The following GP2 variants were observed in gnomAD, a reference collection of about 807,000 sequenced individuals.
GP2 encodes the protein pancreatic secretory granule membrane major glycoprotein GP2.
Under a neutral mutation model 60.8 loss-of-function variants are expected in GP2, and 58 were observed. The ratio of observed to expected loss-of-function variants is 0.95; its 90% CI spans 0.77 to 1.19. The LOEUF (loss-of-function observed/expected upper bound fraction) is 1.19. Among genes scored for constraint, GP2 ranks in the 50% most tolerant of loss-of-function variants. The probability of loss-of-function intolerance (pLI) is 0.00; values close to 1 mark genes in which losing one functional copy is unlikely to be tolerated. For synonymous variants in GP2, 280 were observed against 253.4 expected, an observed-to-expected ratio of 1.10 and a Z score of -1.00; for missense variants, 647 against 667.4, an observed-to-expected ratio of 0.97 and a Z score of 0.34.
At chr16:20,324,943 C>T (rs756573808) in intron 2 of GP2, among the ~76,000 whole-genome samples, 4 of 152,230 alleles carry the variant, frequency 2.6e-5, no homozygotes, top group African/African-American at 4.8e-5. Context: ...TGACCTCTAC[C>T]TACCAGATCC....
At chr16:20,312,594 A>G (rs1461605274) in intron 10 of GP2, among the ~76,000 whole-genome samples, 1 of 151,878 alleles carries the variant, frequency 6.6e-6, no homozygotes, top group African/African-American at 2.4e-5. Flanking sequence ...TGTTCCAGGC[A>G]CTGGGCTAAC....
At chr16:20,323,034 A>G in intron 3 of GP2, 55 bp from the exon 4 acceptor site, 4 of 960,922 alleles carry the variant, frequency 4.2e-6, no homozygotes, top group Non-Finnish European at 6.7e-6. Context: ...GCTGGACTTG[A>G]GGCCCCCAAG....
chr16:20,317,585 C>A (rs1964225173), intron 7 of GP2, among the ~76,000 whole-genome samples: 1 of 152,148 alleles, frequency 6.6e-6, no homozygotes, highest in Non-Finnish European at 1.5e-5. Flanking sequence ...GTAGCCTGAC[C>A]CACGTTCTAG....
rs901920770 is a variant in GP2 at position 20,324,373 on chromosome 16, C to T, written c.95-117G>A. 6 of 630,582 alleles carry T rather than the reference C, an allele frequency of 9.5e-6. No homozygotes were observed. The East Asian group carries it at 1.4e-4, about 14-fold the overall frequency. The allele number at this position is 630,582 out of a possible 1,614,324, so 39.1% of individuals were successfully genotyped here. ...AGGACTCCAATGAGGACAATACACA[C>T]ACGGTCCATTAATTAAACATCAACT... On this transcript the variant is annotated intron_variant, in intron 2 of 10. Transcript: ENST00000302555.
chr16:20,314,874 T>C (rs118044822), intron 9 of GP2, among the ~76,000 whole-genome samples, 173 bp from the exon 10 acceptor site: 4,091 of 152,270 alleles, frequency 0.027, 96 homozygotes, highest in Middle Eastern at 0.051. Context: ...CTAGACACTT[T>C]GCGTGCATCT....
In GP2 at chr16:20,327,486, C is replaced by T. The variant is rs1472587717; in HGVS notation, c.-56G>A. On this transcript the variant is annotated 5_prime_UTR_variant, in exon 1 of 11. Coordinates refer to ENST00000302555, the MANE Select transcript of GP2 (RefSeq NM_001502.4). Reference sequence around the variant, plus strand: ...ACTTACCTCCGATGAGAACACAAAGCGTTCCTCCTCTGGCCAGCCATGGGA... The same window carrying T: ...ACTTACCTCCGATGAGAACACAAAGTGTTCCTCCTCTGGCCAGCCATGGGA... 5.4e-6 allele frequency: 7 copies of T among 1,288,722 alleles called. No individual in the cohort carries two copies. The highest frequency in any genetic ancestry group is 2.5e-5 in the South Asian group (2 of 81,000). The allele number at this position is 1,288,722 out of a possible 1,614,324, so 79.8% of individuals were successfully genotyped here.
intron 2 of GP2, among the ~76,000 whole-genome samples, chr16:20,325,568 T>C (rs1264434243): frequency 5.9e-5 from 9 of 152,192 alleles, no homozygotes; most frequent in Admixed American, 5.9e-4. Flanking sequence ...ATAATATGTG[T>C]AAAATGCCAA....
intron 10 of GP2, among the ~76,000 whole-genome samples, chr16:20,313,529 C>T (rs1010089156): frequency 3.4e-4 from 51 of 152,210 alleles, no homozygotes; most frequent in African/African-American, 1.1e-3. Context: ...ATTCCCCTAA[C>T]ATTTGCACCT....
rs546698620 is a variant in GP2, at chr16:20,322,825, C to T, written c.646+44G>A. On this transcript the variant is annotated intron_variant, in intron 4 of 10. Transcript: ENST00000302555. Reference sequence around the variant, plus strand: ...CCTCTAAAGCTCCCTCCCTCCTGCCCTGCCCCCTCAGGATGGTAGTTACTT... The same window carrying T: ...CCTCTAAAGCTCCCTCCCTCCTGCCTTGCCCCCTCAGGATGGTAGTTACTT... 3.8e-5 allele frequency: 41 copies of T among 1,071,138 alleles called. No homozygotes were observed. In the South Asian group the frequency reaches 5.0e-4, roughly 13 times the overall value. 66.4% of individuals were successfully genotyped at this position (1,071,138 alleles called of 1,614,324 possible). A position where few individuals can be genotyped will look rare whatever the true frequency, so the allele number is the denominator to read the frequency against.
At position 20,314,653 on chromosome 16, in the gene GP2, G is replaced by T; in HGVS notation, c.1546+4C>A. 1 of 1,581,502 alleles carries T rather than the reference G, an allele frequency of 6.3e-7. No individual in the cohort carries two copies. The highest frequency in any genetic ancestry group is 8.7e-7 in the Non-Finnish European group (1 of 1,150,160). On this transcript the variant is annotated splice_donor_region_variant and intron_variant, in intron 10 of 10. Transcript: ENST00000302555. ...TGTGGGAAAGGCATGAGAAAATGAT[G>T]TACCTGCAGTGCTAGGGGTTCCATT...
chr16:20,327,423 C>T (rs1308873983), intron 1 of GP2, 44 bp downstream of exon 1: 10 of 1,236,950 alleles, frequency 8.1e-6, no homozygotes, highest in African/African-American at 1.6e-5. Context: ...TCAAGATTTC[C>T]CAGGATTAGG....
rs1964243926 is a variant in GP2, at chr16:20,318,200, A to G, written c.1238T>C (p.Phe413Ser). ...TEDKADLVKY[F>S]IIRNSCSNQR... ...TGCTCGTTACCTGTTTCTGATGATG[A>G]AATACTTCACAAGGTCAGCCTTGTC... Residue 413 changes from phenylalanine to serine, a missense_variant, in exon 7 of 11, where the codon TTC becomes TCC. Transcript: ENST00000302555. The G allele has an allele frequency of 6.2e-7, 1 of 1,613,400 alleles. No homozygotes were observed. Among genetic ancestry groups the G allele is most frequent in the Non-Finnish European group, 8.5e-7 (1 of 1,179,324 alleles).
Position 20,322,851 on chromosome 16 carries a change from G to GC in GP2, c.646+17dup. ...TGCCCCCTCAGGATGGTAGTTACTT[G>GC]CCCAGTGAGCAGCTCACCAGAACTA... On this transcript the variant is annotated intron_variant, in intron 4 of 10. Coordinates refer to ENST00000302555, the MANE Select transcript of GP2 (RefSeq NM_001502.4). 7.4e-7 allele frequency: 1 copy of GC among 1,355,826 alleles called. No individual in the cohort carries two copies. Among genetic ancestry groups the GC allele is most frequent in the Non-Finnish European group, 1.1e-6 (1 of 944,684 alleles). The allele number at this position is 1,355,826 out of a possible 1,614,324, so 84.0% of individuals were successfully genotyped here. A position where few individuals can be genotyped will look rare whatever the true frequency, so the allele number is the denominator to read the frequency against.
chr16:20,317,911 T>C (rs1964235032), intron 7 of GP2, among the ~76,000 whole-genome samples: 1 of 152,230 alleles, frequency 6.6e-6, no homozygotes, highest in Admixed American at 6.5e-5. Flanking sequence ...TGTGTAATAA[T>C]CCATCACTAC....
intron 1 of GP2, 78 bp from the exon 2 acceptor site, chr16:20,326,545 T>C (rs1351620349): frequency 8.7e-7 from 1 of 1,148,002 alleles, no homozygotes; most frequent in East Asian, 2.5e-5. Flanking sequence ...ACTTCCTTCA[T>C]AAAGAGCTGC....
At position 20,323,714 on chromosome 16, in the gene GP2, C is replaced by T; in HGVS notation, c.535+102G>A. 5.3e-6 allele frequency: 4 copies of T among 757,038 alleles called. No homozygotes were observed. The South Asian group carries it at 5.6e-5, about 11-fold the overall frequency. 46.9% of individuals were successfully genotyped at this position (757,038 alleles called of 1,614,324 possible). On this transcript the variant is annotated intron_variant, in intron 3 of 10. Transcript: ENST00000302555. ...CAGGAGCTGAGTCGAGGCTGCTCTG[C>T]ATCCTCTCCTGTCTCCTCTTGACTT...
At chr16:20,314,211 GC>G (rs1354109735) in intron 10 of GP2, among the ~76,000 whole-genome samples, 1 of 147,670 alleles carries the variant, frequency 6.8e-6, no homozygotes, top group Non-Finnish European at 1.5e-5. Context: ...TGCACGTTCT[GC>G]TCATGTATCC....
chr16:20,312,764 C>CTG (rs1272698958), intron 10 of GP2, among the ~76,000 whole-genome samples: 2 of 152,140 alleles, frequency 1.3e-5, no homozygotes, highest in Middle Eastern at 3.4e-3. Context: ...GATTCTCCTG[C>CTG]TTCAGCCTCC....
At chr16:20,320,192 A>T in intron 5 of GP2, 70 bp downstream of exon 5, 2 of 1,147,536 alleles carry the variant, frequency 1.7e-6, no homozygotes, top group Non-Finnish European at 1.3e-6. Context: ...CCAAGATCTC[A>T]GAGCTACTAT....
Sources: gnomAD v4.1 joint callset for allele counts (sites outside exome capture counted in the v4.1 genomes callset) on GRCh38, gnomAD v4.1.1 for gene constraint, MANE v1.5 for transcripts, NCBI Gene and HGNC (gene_info 2026-07-23, HGNC 2026-07-21) for gene names.